The following GTF2B variants were observed in gnomAD, a reference collection of about 807,000 sequenced individuals.
The protein encoded by GTF2B is general transcription factor IIB.
In GTF2B, 20 loss-of-function variants were observed where a neutral mutation model predicts 34.6. That is an observed-to-expected ratio of 0.58 (90% CI 0.41 to 0.84). GTF2B has a LOEUF of 0.84. Ranked by LOEUF, GTF2B falls within the 40% of genes least tolerant of loss-of-function variation. The pLI, the probability that GTF2B is intolerant of heterozygous loss-of-function variation, is 0.00. For missense variants in GTF2B, 237 were observed against 393.3 expected (o/e 0.60, Z 3.36); for synonymous variants, 142 against 132.4 (o/e 1.07, Z -0.50).
intron 2 of GTF2B, among the ~76,000 whole-genome samples, chr1:88,879,476 C>T (rs1673885764): frequency 6.6e-6 from 1 of 150,822 alleles, no homozygotes; most frequent in South Asian, 2.1e-4. Flanking sequence ...GCTACTCAGG[C>T]AGGAGGCTGA....
chr1:88,891,402 G>T, intron 1 of GTF2B, 81 bp downstream of exon 1: 1 of 1,091,362 alleles, frequency 9.2e-7, no homozygotes, highest in Admixed American at 2.0e-5. Context: ...TCAGCCCTAC[G>T]AGGCTGCCCG....
Position 88,857,362 on chromosome 1 carries a change from T to G in GTF2B, c.661A>C (p.Asn221His). The change falls in exon 6 of 7, where the codon AAC becomes CAC. Residue 221 changes from asparagine (N) to histidine (H), a missense_variant. Asn to His is a moderately conservative substitution (Grantham distance 68). Transcript: ENST00000370500. ...TGDFMSRFCSNLCLPKQVQMA... is the reference protein window; with the variant it reads ...TGDFMSRFCSHLCLPKQVQMA... ...TGTACTTGTTTAGGAAGACAAAGGT[T>G]GGAACAGAACCTGGACATGAAGTCC... The G allele has an allele frequency of 1.9e-6, 3 of 1,613,914 alleles. No homozygotes were observed. The highest frequency in any genetic ancestry group is 2.5e-6 in the Non-Finnish European group (3 of 1,179,784).
At position 88,879,577 on chromosome 1, in the gene GTF2B, C is replaced by G. The variant is rs1366566935; in HGVS notation, c.124+7684G>C. On this transcript the variant is annotated intron_variant, in intron 2 of 6. Transcript: ENST00000370500. ...CCAGACTGGGCAACAGAGTGAGATT[C>G]CATCTTAAAAAAAAAAAAAAAAGTA... is the stretch of plus-strand genomic sequence containing the variant. Among the ~76,000 whole-genome samples, 7 of 131,678 alleles carry G rather than the reference C, an allele frequency of 5.3e-5. No homozygotes were observed. The South Asian group carries it at 1.6e-3, about 30-fold the overall frequency. 86.4% of individuals were successfully genotyped at this position (131,678 alleles called of 152,430 possible). A position where few individuals can be genotyped will look rare whatever the true frequency, so the allele number is the denominator to read the frequency against.
chr1:88,872,322 G>T (rs1673711873), intron 2 of GTF2B, among the ~76,000 whole-genome samples: 1 of 151,614 alleles, frequency 6.6e-6, no homozygotes, highest in Non-Finnish European at 1.5e-5. Context: ...GCGTGGTGCT[G>T]CATGCCTGCA....
At chr1:88,886,771 A>T (rs987753789) in intron 2 of GTF2B, among the ~76,000 whole-genome samples, 4 of 151,958 alleles carry the variant, frequency 2.6e-5, no homozygotes, top group African/African-American at 9.7e-5. Context: ...GATATACAAT[A>T]AAATATATCT....
chr1:88,859,176 C>A (rs1240817191), intron 5 of GTF2B, among the ~76,000 whole-genome samples: 1 of 152,068 alleles, frequency 6.6e-6, no homozygotes, highest in East Asian at 1.9e-4. Context: ...TTCACTGATA[C>A]TTTCTAAAGC....
At chr1:88,864,154 T>C (rs1673499636) in intron 2 of GTF2B, 40 bp from the exon 3 acceptor site, 3 of 1,604,606 alleles carry the variant, frequency 1.9e-6, no homozygotes, top group East Asian at 2.2e-5. Flanking sequence ...TTTGTCAAGA[T>C]AGGGTTTACT....
At chr1:88,891,120 C>CGGGGGG (rs36020480) in intron 1 of GTF2B, among the ~76,000 whole-genome samples, 2 of 6,484 alleles carry the variant, frequency 3.1e-4, no homozygotes, top group African/African-American at 5.1e-4. Flanking sequence ...AAAAAACAAG[C>CGGGGGG]GGGGGGGGGG....
intron 6 of GTF2B, among the ~76,000 whole-genome samples, chr1:88,856,140 C>T (rs971041062): frequency 5.3e-5 from 8 of 151,650 alleles, no homozygotes; most frequent in African/African-American, 7.3e-5. Flanking sequence ...CGTGGTGGCA[C>T]GTGGCTGTAG....
At chr1:88,871,725 TTTTTA>T (rs1673697030) in intron 2 of GTF2B, among the ~76,000 whole-genome samples, 1 of 152,200 alleles carries the variant, frequency 6.6e-6, no homozygotes. Flanking sequence ...AAGACTGCTC[TTTTTA>T]TTTATTATTA....
At chr1:88,885,522 C>T (rs998752236) in intron 2 of GTF2B, among the ~76,000 whole-genome samples, 2 of 149,862 alleles carry the variant, frequency 1.3e-5, no homozygotes, top group Non-Finnish European at 3.0e-5. Flanking sequence ...CCAAGGCGAT[C>T]GTATCACCTG....
At chr1:88,880,200 A>G (rs1168246914) in intron 2 of GTF2B, among the ~76,000 whole-genome samples, 2 of 152,258 alleles carry the variant, frequency 1.3e-5, no homozygotes, top group Non-Finnish European at 2.9e-5. Context: ...AGCATAATCA[A>G]TCATGTATAC....
intron 2 of GTF2B, among the ~76,000 whole-genome samples, chr1:88,885,398 C>A (rs1674042499): frequency 6.6e-6 from 1 of 151,620 alleles, no homozygotes; most frequent in African/African-American, 2.4e-5. Context: ...TGGGATCGCA[C>A]CACGGCACTC....
At chr1:88,867,077 C>A (rs1429903887) in intron 2 of GTF2B, among the ~76,000 whole-genome samples, 1 of 152,156 alleles carries the variant, frequency 6.6e-6, no homozygotes, top group African/African-American at 2.4e-5. Flanking sequence ...TGAAACCTTA[C>A]CAAACCACTG....
intron 3 of GTF2B, 24 bp downstream of exon 3, chr1:88,863,957 T>C: frequency 6.2e-7 from 1 of 1,610,866 alleles, no homozygotes; most frequent in Non-Finnish European, 8.5e-7. Context: ...GCAATTGGTA[T>C]TTCCTGCCAA....
At chr1:88,870,652 C>T (rs1189955296) in intron 2 of GTF2B, among the ~76,000 whole-genome samples, 1 of 152,050 alleles carries the variant, frequency 6.6e-6, no homozygotes, top group Non-Finnish European at 1.5e-5. Flanking sequence ...TAGAGAACCC[C>T]ATCAGTGGCA....
intron 2 of GTF2B, among the ~76,000 whole-genome samples, chr1:88,869,814 G>A (rs563906150): frequency 6.8e-4 from 103 of 151,714 alleles, no homozygotes; most frequent in African/African-American, 1.8e-3. Flanking sequence ...TTTAGTAGAC[G>A]GGGTTTCACC....
intron 2 of GTF2B, among the ~76,000 whole-genome samples, chr1:88,878,097 C>T (rs1673854587): frequency 6.6e-6 from 1 of 152,076 alleles, no homozygotes; most frequent in East Asian, 1.9e-4. Flanking sequence ...AGCTAAACCT[C>T]GTCTCTACAA....
intron 1 of GTF2B, among the ~76,000 whole-genome samples, chr1:88,889,319 A>G (rs945595260): frequency 7.2e-5 from 11 of 152,230 alleles, no homozygotes; most frequent in Admixed American, 2.0e-4. Flanking sequence ...ATTACCCACA[A>G]TACAGAAGAG....
Sources: allele counts gnomAD v4.1 joint callset (sites outside exome capture counted in the v4.1 genomes callset), GRCh38; gene constraint gnomAD v4.1.1; transcripts MANE v1.5; gene names NCBI Gene and HGNC (gene_info 2026-07-23, HGNC 2026-07-21).